Variants in SECISBP2L observed in about 807,000 individuals in gnomAD.
SECISBP2L encodes the protein selenocysteine insertion sequence-binding protein 2-like.
In SECISBP2L, 43 loss-of-function variants were observed where a neutral mutation model predicts 114.7. The ratio of observed to expected loss-of-function variants is 0.38; its 90% CI spans 0.29 to 0.48. The LOEUF (loss-of-function observed/expected upper bound fraction) is 0.48. Ranked by LOEUF, SECISBP2L falls within the 20% of genes least tolerant of loss-of-function variation. SECISBP2L has a pLI of 0.98. For missense variants in SECISBP2L, 1,136 were observed against 1,301.1 expected (o/e 0.87, Z 1.95); for synonymous variants, 451 against 439.7 (o/e 1.03, Z -0.32).
At position 48,990,455 on chromosome 15, in the gene SECISBP2L, A is replaced by G. The variant is rs1901949279; in HGVS notation, c.*1789T>C. 1 of 152,378 alleles carries G rather than the reference A, an allele frequency of 6.6e-6. No homozygotes were observed. The highest frequency in any genetic ancestry group is 1.5e-5 in the Non-Finnish European group (1 of 68,026). 9.4% of individuals were successfully genotyped at this position (152,378 alleles called of 1,614,324 possible). Reference sequence around the variant, plus strand: ...CCTTACCTGCTGTGTTCCTTTAAATATTGGATATTTAGTGCCTAGGAAGTC... The same window carrying G: ...CCTTACCTGCTGTGTTCCTTTAAATGTTGGATATTTAGTGCCTAGGAAGTC... On this transcript the variant is annotated 3_prime_UTR_variant, in exon 18 of 18. Transcript: ENST00000559471.
intron 1 of SECISBP2L, among the ~76,000 whole-genome samples, chr15:49,043,234 G>A (rs1903177955): frequency 6.6e-6 from 1 of 152,058 alleles, no homozygotes; most frequent in African/African-American, 2.4e-5. Context: ...TTCATTTGGA[G>A]TACTGACATT....
rs369360695 is a variant in SECISBP2L at position 49,036,360 on chromosome 15, G to A, written c.204-702C>T. 2.0e-5 allele frequency among the ~76,000 whole-genome samples: 3 copies of A among 152,148 alleles called. No individual in the cohort carries two copies. In the South Asian group the frequency reaches 6.2e-4, roughly 32 times the overall value. On this transcript the variant is annotated intron_variant, in intron 2 of 17. Transcript: ENST00000559471. ...CACCAAATCAATATGGGGTCCTAAGGACTAGGGAGTTGAAGCATAGGGCTT... is the reference window on the plus strand; with the variant it reads ...CACCAAATCAATATGGGGTCCTAAGAACTAGGGAGTTGAAGCATAGGGCTT...
At position 48,996,487 on chromosome 15, in the gene SECISBP2L, T is replaced by C; in HGVS notation, c.2503A>G (p.Lys835Glu). ...MEQEQAEEALKNVKKVPHHMG... is the reference protein window; with the variant it reads ...MEQEQAEEALENVKKVPHHMG... ...TGGTGTGGTACCTTCTTCACATTCT[T>C]TAAGGCTTCCTCAGCCTGCTCCTGT... is the stretch of plus-strand genomic sequence containing the variant. Residue 835 changes from lysine to glutamate, a missense_variant, in exon 17 of 18, where the codon AAG (lysine) becomes GAG (glutamate). Lys to Glu is a moderately conservative substitution (Grantham distance 56, BLOSUM62 1). Transcript: ENST00000559471. 1 of 1,614,158 alleles carries C rather than the reference T, an allele frequency of 6.2e-7. No individual in the cohort carries two copies. Among genetic ancestry groups the C allele is most frequent in the Non-Finnish European group, 8.5e-7 (1 of 1,180,010 alleles).
intron 14 of SECISBP2L, 48 bp downstream of exon 14, chr15:49,009,168 A>G (rs1595785705): frequency 1.3e-6 from 2 of 1,578,792 alleles, no homozygotes; most frequent in East Asian, 4.5e-5. Flanking sequence ...CAGAACTACA[A>G]TCAAGATCCT....
At chr15:49,014,637 C>A (rs950393212) in intron 11 of SECISBP2L, among the ~76,000 whole-genome samples, 1 of 151,924 alleles carries the variant, frequency 6.6e-6, no homozygotes, top group African/African-American at 2.4e-5. Flanking sequence ...TTTCCAGATC[C>A]ATCATTTCCC....
chr15:49,016,715 A>G lies in SECISBP2L; in HGVS notation c.1420-14T>C. On this transcript the variant is annotated splice_polypyrimidine_tract_variant and intron_variant, in intron 10 of 17. Coordinates refer to ENST00000559471, the MANE Select transcript of SECISBP2L (RefSeq NM_001193489.2). ...TGATAAAGCTTCCTACAAAATAAAT[A>G]TAAAAAATTAATTTTTTTGTTATAG... 6.5e-7 allele frequency: 1 copy of G among 1,531,658 alleles called. No individual in the cohort carries two copies. The highest frequency in any genetic ancestry group is 8.7e-7 in the Non-Finnish European group (1 of 1,144,472). 94.9% of individuals were successfully genotyped at this position (1,531,658 alleles called of 1,614,324 possible).
chr15:49,022,160 C>G (rs1056194417), intron 7 of SECISBP2L, among the ~76,000 whole-genome samples: 6 of 152,116 alleles, frequency 3.9e-5, no homozygotes, highest in Non-Finnish European at 8.8e-5. Context: ...TTCTGTCACC[C>G]AGGCTGGAGT....
chr15:49,016,920 C>A lies in SECISBP2L; in HGVS notation c.1347G>T (p.Lys449Asn). 1 of 1,613,954 alleles carries A rather than the reference C, an allele frequency of 6.2e-7. No homozygotes were observed. The highest frequency in any genetic ancestry group is 8.5e-7 in the Non-Finnish European group (1 of 1,179,922). The change falls in exon 10 of 18, where the codon AAG (lysine) becomes AAT (asparagine). Residue 449 changes from lysine to asparagine, a missense_variant. Lys to Asn is a moderately conservative substitution (Grantham distance 94). Coordinates refer to ENST00000559471, the MANE Select transcript of SECISBP2L (RefSeq NM_001193489.2). Reference protein sequence around the residue: ...SVPKRAKSQKKKALAAALATA... With the variant: ...SVPKRAKSQKNKALAAALATA... ...TGGCAAGGGCTGCTGCTAAAGCTTTCTTCTTCTGACTTTTTGCACGTTTGG... is the reference window on the plus strand; with the variant it reads ...TGGCAAGGGCTGCTGCTAAAGCTTTATTCTTCTGACTTTTTGCACGTTTGG...
At chr15:48,997,471 T>C (rs760095274) in intron 16 of SECISBP2L, among the ~76,000 whole-genome samples, 15 of 152,192 alleles carry the variant, frequency 9.9e-5, no homozygotes, top group Admixed American at 6.5e-5. Context: ...AGCTTGGAAG[T>C]AGAATATGGA....
At chr15:49,021,022 G>A (rs932064359) in intron 7 of SECISBP2L, among the ~76,000 whole-genome samples, 62 of 151,888 alleles carry the variant, frequency 4.1e-4, no homozygotes, top group African/African-American at 1.9e-4. Flanking sequence ...ATCCCAATAC[G>A]CCCTCCGCCC....
intron 1 of SECISBP2L, 122 bp downstream of exon 1, chr15:49,046,154 G>A (rs1903244387): frequency 6.0e-6 from 7 of 1,158,964 alleles, no homozygotes; most frequent in Non-Finnish European, 7.3e-6. Context: ...AGGCTCCCAG[G>A]TGAGGGGGTC....
At chr15:49,022,461 T>C (rs2141075613) in intron 7 of SECISBP2L, among the ~76,000 whole-genome samples, 1 of 152,234 alleles carries the variant, frequency 6.6e-6, no homozygotes, top group East Asian at 1.9e-4. Flanking sequence ...TAGCCACGTG[T>C]GGTAGCAGGC....
intron 7 of SECISBP2L, 162 bp from the exon 8 acceptor site, chr15:49,019,714 G>A (rs956094193): frequency 2.4e-5 from 12 of 498,446 alleles, no homozygotes; most frequent in Non-Finnish European, 3.8e-5. Flanking sequence ...GACAAGTAAG[G>A]TACTTATAAG....
rs1350661995 is a variant in SECISBP2L, at chr15:49,007,628, T to C, written c.2027+1588A>G. Among the ~76,000 whole-genome samples the C allele has an allele frequency of 5.3e-5, 8 of 152,232 alleles. No homozygotes were observed. The East Asian group carries it at 1.3e-3, about 26-fold the overall frequency. Reference sequence around the variant, plus strand: ...TTACTAATTATTAAATTCCTAAGGATATAAACCAAATGACAACCTGCTATT... The same window carrying C: ...TTACTAATTATTAAATTCCTAAGGACATAAACCAAATGACAACCTGCTATT... On this transcript the variant is annotated intron_variant, in intron 14 of 17. Coordinates refer to ENST00000559471, the MANE Select transcript of SECISBP2L (RefSeq NM_001193489.2).
chr15:49,034,814 C>T (rs1246769139), intron 3 of SECISBP2L, among the ~76,000 whole-genome samples: 1 of 152,022 alleles, frequency 6.6e-6, no homozygotes, highest in Non-Finnish European at 1.5e-5. Flanking sequence ...CAGGCATGCA[C>T]TAACATACCC....
rs1903252223 is a variant in SECISBP2L, at chr15:49,046,378, G to C, written c.-79C>G. 3 of 1,374,662 alleles carry C rather than the reference G, an allele frequency of 2.2e-6. No homozygotes were observed. The allele number at this position is 1,374,662 out of a possible 1,614,324, so 85.2% of individuals were successfully genotyped here. ...CCGCTTTCTCCATGGCCCCCCGCTC[G>C]GGTCCAGACTGGGTTCCGGACCTCC... is the stretch of plus-strand genomic sequence containing the variant. On this transcript the variant is annotated 5_prime_UTR_variant, in exon 1 of 18. Transcript: ENST00000559471.
rs1237457913 is a variant in SECISBP2L, at chr15:48,992,845, C to T, written c.2705G>A (p.Ser902Asn). Reference protein sequence around the residue: ...ENEKEVSCKHSTSEKPSKLPF... With the variant: ...ENEKEVSCKHNTSEKPSKLPF... ...AAGTTTACTGGGTTTTTCAGAAGTGCTGTGCTTACAGGATACCTCTTTCTC... is the reference window on the plus strand; with the variant it reads ...AAGTTTACTGGGTTTTTCAGAAGTGTTGTGCTTACAGGATACCTCTTTCTC... Residue 902 changes from serine to asparagine, a missense_variant, in exon 18 of 18, where the codon AGC becomes AAC. This residue lies in a region of SECISBP2L where 684 missense variants were observed against 848.7 expected (regional missense o/e 0.81). Transcript: ENST00000559471. 6.2e-7 allele frequency: 1 copy of T among 1,614,028 alleles called. No homozygotes were observed. Among genetic ancestry groups the T allele is most frequent in the Non-Finnish European group, 8.5e-7 (1 of 1,180,040 alleles).
intron 8 of SECISBP2L, 36 bp from the exon 9 acceptor site, chr15:49,017,664 A>G (rs1902563513): frequency 1.4e-6 from 2 of 1,460,922 alleles, no homozygotes. Flanking sequence ...AAAGAGTTCA[A>G]GGCAAACTCC....
intron 1 of SECISBP2L, among the ~76,000 whole-genome samples, chr15:49,044,935 G>T (rs760645446): frequency 6.6e-6 from 1 of 152,124 alleles, no homozygotes; most frequent in African/African-American, 2.4e-5. Flanking sequence ...ACACATACAA[G>T]GAAATGATTC....
Sources: gnomAD v4.1 joint callset for allele counts (sites outside exome capture counted in the v4.1 genomes callset) on GRCh38, gnomAD v4.1.1 for gene constraint, gnomAD v4.1.1 regional missense constraint, MANE v1.5 for transcripts, NCBI Gene and HGNC (gene_info 2026-07-23, HGNC 2026-07-21) for gene names.